RB1: variants seen among roughly 807,000 people sequenced by gnomAD.
The protein encoded by RB1 is retinoblastoma-associated protein.
A neutral mutation model predicts 135.4 loss-of-function variants in RB1; 18 were observed. The observed-to-expected ratio is 0.13, with a 90% CI of 0.09 to 0.20. RB1 has a LOEUF of 0.20. Among genes scored for constraint, RB1 ranks in the 10% least tolerant of loss-of-function variants. The pLI is 1.00. For synonymous variants in RB1, 365 were observed against 373.2 expected, an observed-to-expected ratio of 0.98 and a Z score of 0.25; for missense variants, 868 against 1,110.0, an observed-to-expected ratio of 0.78 and a Z score of 3.10.
intron 17 of RB1, chr13:48,408,698 A>G (rs1293033083): frequency 6.6e-6 from 1 of 152,200 alleles, no homozygotes; most frequent in Admixed American, 6.5e-5. Flanking sequence ...TAGATGAGAA[A>G]ACCATGTTTG....
chr13:48,433,140 C>G (rs1039775184), intron 17 of RB1, among the ~76,000 whole-genome samples: 1 of 152,018 alleles, frequency 6.6e-6, no homozygotes, highest in Non-Finnish European at 1.5e-5. Context: ...TATGAACATA[C>G]ATGTAAGCTA....
chr13:48,415,165 C>A (rs542721787), intron 17 of RB1, among the ~76,000 whole-genome samples: 7 of 152,060 alleles, frequency 4.6e-5, no homozygotes, highest in Non-Finnish European at 7.4e-5. Flanking sequence ...TTTTCTCATT[C>A]AAATAATTAA....
In RB1 at chr13:48,314,913, C is replaced by T. The variant is rs137927431; in HGVS notation, c.264+7507C>T. On this transcript the variant is annotated intron_variant, in intron 2 of 26. Coordinates refer to ENST00000267163, the MANE Select transcript of RB1 (RefSeq NM_000321.3). The stretch of plus-strand genomic sequence containing the variant: ...TGTTCATCCTATGTATTTGCTACTT[C>T]GTATCCTTTGAACTACATCTTTTCA... Among the ~76,000 whole-genome samples the T allele has an allele frequency of 9.4e-3, 1,427 of 152,260 alleles. 15 individuals carry two copies. The highest frequency in any genetic ancestry group is 0.015 in the Non-Finnish European group (1,039 of 68,024).
chr13:48,405,473 G>A (rs565418969), intron 17 of RB1, among the ~76,000 whole-genome samples: 2 of 152,204 alleles, frequency 1.3e-5, no homozygotes, highest in African/African-American at 4.8e-5. Flanking sequence ...CATCCTTGTT[G>A]GCCCATAGTT....
chr13:48,307,597 G>C (rs1254083198), intron 2 of RB1, among the ~76,000 whole-genome samples, 191 bp downstream of exon 2: 1 of 151,420 alleles, frequency 6.6e-6, no homozygotes, highest in Admixed American at 6.6e-5. Context: ...GTTCATGCCT[G>C]TAATCCTACC....
intron 2 of RB1, among the ~76,000 whole-genome samples, chr13:48,333,529 G>C (rs1952355125): frequency 1.3e-5 from 2 of 152,020 alleles, no homozygotes; most frequent in African/African-American, 4.8e-5. Context: ...TTCTAGGTAG[G>C]TTATGTATCA....
intron 18 of RB1, among the ~76,000 whole-genome samples, chr13:48,455,869 CAG>C (rs1456862256): frequency 3.9e-5 from 6 of 152,158 alleles, no homozygotes; most frequent in Non-Finnish European, 8.8e-5. Flanking sequence ...AACAAGATAA[CAG>C]TATTTAATAT....
intron 6 of RB1, among the ~76,000 whole-genome samples, chr13:48,354,929 A>C (rs901798448): frequency 6.6e-6 from 1 of 152,152 alleles, no homozygotes; most frequent in Non-Finnish European, 1.5e-5. Context: ...AAAATGATTA[A>C]GGACTTAAAT....
chr13:48,426,519 TA>T (rs1286587582), intron 17 of RB1: 1 of 152,224 alleles, frequency 6.6e-6, no homozygotes, highest in African/African-American at 2.4e-5. Flanking sequence ...TTAGTCTTAA[TA>T]TCCTCTAATG....
At chr13:48,414,814 C>T (rs1948880447) in intron 17 of RB1, among the ~76,000 whole-genome samples, 1 of 152,070 alleles carries the variant, frequency 6.6e-6, no homozygotes, top group Non-Finnish European at 1.5e-5. Flanking sequence ...ATAACCAATA[C>T]TTAAAATTTT....
chr13:48,443,113 T>C (rs1480222385), intron 17 of RB1, among the ~76,000 whole-genome samples: 2 of 151,914 alleles, frequency 1.3e-5, no homozygotes, highest in Non-Finnish European at 2.9e-5. Flanking sequence ...GTCATTGATA[T>C]AACATTACTA....
chr13:48,331,408 C>G (rs1381918638), intron 2 of RB1, among the ~76,000 whole-genome samples: 1 of 152,148 alleles, frequency 6.6e-6, no homozygotes, highest in African/African-American at 2.4e-5. Context: ...GTGATTGAGT[C>G]CTGAGGCCTC....
intron 17 of RB1, among the ~76,000 whole-genome samples, chr13:48,440,578 G>A (rs541997684): frequency 1.3e-5 from 2 of 152,274 alleles, no homozygotes; most frequent in Non-Finnish European, 1.5e-5. Context: ...GGGGTAAGGC[G>A]ATCTGCCTTG....
chr13:48,432,743 G>A (rs769766852), intron 17 of RB1, among the ~76,000 whole-genome samples: 39 of 151,738 alleles, frequency 2.6e-4, no homozygotes, highest in Non-Finnish European at 3.4e-4. Context: ...TTGAGTAAGC[G>A]TACAGGAATA....
At chr13:48,380,738 CAAAA>C (rs1948528507) in intron 16 of RB1, among the ~76,000 whole-genome samples, 1 of 152,064 alleles carries the variant, frequency 6.6e-6, no homozygotes, top group Non-Finnish European at 1.5e-5. Flanking sequence ...CTTGCAGAAA[CAAAA>C]GGAACATTTG....
rs529656203 is a variant in RB1 at position 48,405,748 on chromosome 13, T to C, written c.1695+24305T>C. On this transcript the variant is annotated intron_variant, in intron 17 of 26. Transcript: ENST00000267163. ...ATACAAAAAGGTATAATCTGAAAAATGTCATATTCTTTGATATTCCTTCTA... is the reference window on the plus strand; with the variant it reads ...ATACAAAAAGGTATAATCTGAAAAACGTCATATTCTTTGATATTCCTTCTA... Among the ~76,000 whole-genome samples the C allele has an allele frequency of 3.9e-5, 6 of 152,316 alleles. 1 individual carries two copies. The South Asian group carries it at 1.2e-3, about 32-fold the overall frequency.
chr13:48,346,921 T>C (rs1453733732), intron 4 of RB1, among the ~76,000 whole-genome samples: 1 of 151,984 alleles, frequency 6.6e-6, no homozygotes, highest in Non-Finnish European at 1.5e-5. Flanking sequence ...GAGTATTCTA[T>C]ACATATAAGT....
intron 17 of RB1, among the ~76,000 whole-genome samples, chr13:48,410,433 G>A (rs1342829365): frequency 6.6e-6 from 1 of 152,120 alleles, no homozygotes; most frequent in Non-Finnish European, 1.5e-5. Flanking sequence ...AGTACACACT[G>A]TGATGTTTGC....
intron 17 of RB1, among the ~76,000 whole-genome samples, chr13:48,409,095 T>C (rs1164453699): frequency 6.6e-6 from 1 of 151,782 alleles, no homozygotes; most frequent in African/African-American, 2.4e-5. Context: ...TCTCTTGGGA[T>C]ATAAAGGACC....
Sources: gnomAD v4.1 joint callset for allele counts (sites outside exome capture counted in the v4.1 genomes callset) on GRCh38, gnomAD v4.1.1 for gene constraint, MANE v1.5 for transcripts, NCBI Gene and HGNC (gene_info 2026-07-23, HGNC 2026-07-21) for gene names.